Variants in OR2L13 observed in about 807,000 individuals in gnomAD.
The protein encoded by OR2L13 is olfactory receptor family 2 subfamily L member 13, also known as olfactory receptor 2L13.
A neutral mutation model predicts 15.3 loss-of-function variants in OR2L13; 14 were observed. The ratio of observed to expected loss-of-function variants is 0.91; its 90% CI spans 0.60 to 1.43. The LOEUF (loss-of-function observed/expected upper bound fraction) is 1.43, where lower values mean the gene tolerates loss of function less well. OR2L13 is among the 40% of genes most tolerant of loss of function. The pLI is 0.00. For synonymous variants in OR2L13, 152 were observed against 142.9 expected, an observed-to-expected ratio of 1.06 and a Z score of -0.45; for missense variants, 367 against 387.9, an observed-to-expected ratio of 0.95 and a Z score of 0.45.
chr1:248,022,330 C>T, the OR2L13 span: 9 of 1,614,154 alleles, frequency 5.6e-6, no homozygotes, highest in Non-Finnish European at 6.8e-6. Flanking sequence ...ATTTGCTTTC[C>T]TCTCCACTAT....
the OR2L13 span, among the ~76,000 whole-genome samples, chr1:248,082,083 A>C: frequency 1.3e-5 from 2 of 149,004 alleles, no homozygotes; most frequent in African/African-American, 5.1e-5. Context: ...CAAAGACTTG[A>C]AACCAACCCA....
the OR2L13 span, among the ~76,000 whole-genome samples, chr1:247,955,055 G>T: frequency 6.6e-6 from 1 of 151,690 alleles, no homozygotes; most frequent in Non-Finnish European, 1.5e-5. Context: ...CCATTAACTC[G>T]TCATTTAACA....
the OR2L13 span, among the ~76,000 whole-genome samples, chr1:247,956,955 GC>G: frequency 6.6e-6 from 1 of 152,142 alleles, no homozygotes; most frequent in South Asian, 2.1e-4. Context: ...CTGCCTGATT[GC>G]CCTGGCCAGA....
the OR2L13 span, among the ~76,000 whole-genome samples, chr1:248,009,718 G>T: frequency 6.6e-6 from 1 of 152,024 alleles, no homozygotes; most frequent in Non-Finnish European, 1.5e-5. Context: ...AACAGAAAAA[G>T]AAAATTTCAG....
chr1:247,961,758 C>T, the OR2L13 span, among the ~76,000 whole-genome samples: 1,694 of 152,116 alleles, frequency 0.011, 33 homozygotes, highest in African/African-American at 0.035. Context: ...TCTTTCCAGA[C>T]GGTGTTTAAA....
At chr1:248,090,479 T>C (rs112526160), upstream of OR2L13, among the ~76,000 whole-genome samples, 12,231 of 151,932 alleles carry the variant, frequency 0.081, 526 homozygotes, top group African/African-American at 0.14. Flanking sequence ...CTGTTGTTCC[T>C]GTCTGTGTGT....
the OR2L13 span, among the ~76,000 whole-genome samples, chr1:248,063,793 CGTGT>C: frequency 2.0e-3 from 286 of 145,046 alleles, no homozygotes; most frequent in Non-Finnish European, 2.4e-3. Flanking sequence ...AAGATGTGTG[CGTGT>C]GTGTGTGTGT....
chr1:248,100,401 A>G, exon 3 of OR2L13: 1 of 607,616 alleles, frequency 1.6e-6, no homozygotes, highest in Non-Finnish European at 2.7e-6. Context: ...GAAATACAAC[A>G]TAATTTAAAA....
chr1:248,076,431 T>C, the OR2L13 span, among the ~76,000 whole-genome samples: 1 of 152,206 alleles, frequency 6.6e-6, no homozygotes, highest in South Asian at 2.1e-4. Context: ...ATAAATTACA[T>C]TGGGCAGTAT....
the OR2L13 span, among the ~76,000 whole-genome samples, chr1:247,995,283 T>G: frequency 3.3e-5 from 5 of 152,218 alleles, no homozygotes; most frequent in African/African-American, 9.6e-5. Context: ...TCCCACTATT[T>G]CTAATAATAA....
At chr1:248,045,929 A>G in the OR2L13 span, 2 of 152,320 alleles carry the variant, frequency 1.3e-5, no homozygotes, top group East Asian at 1.9e-4. Flanking sequence ...GTCAAAATAT[A>G]TATCAATATA....
the OR2L13 span, among the ~76,000 whole-genome samples, chr1:247,978,229 C>T: frequency 1.3e-5 from 2 of 152,306 alleles, no homozygotes; most frequent in African/African-American, 2.4e-5. Context: ...CCGGAAGGAA[C>T]AAACTCCAGA....
the OR2L13 span, among the ~76,000 whole-genome samples, chr1:247,946,597 A>G: frequency 2.0e-5 from 3 of 152,218 alleles, no homozygotes; most frequent in Admixed American, 2.0e-4. Flanking sequence ...ACTTCAATTT[A>G]TCTTTCCAGT....
rs778835915 is a variant in OR2L13 at position 248,099,386 on chromosome 1, G to A, written c.11G>A (p.Trp4Ter). The change falls in exon 3 of 3, where the codon TGG becomes TAG. Residue 4 changes from tryptophan to a stop codon, truncating the protein, a stop_gained. Coordinates refer to ENST00000641714, the Ensembl canonical transcript of OR2L13. LOFTEE classifies it high-confidence loss of function. Reference sequence around the variant, plus strand: ...CAGCAGAAAGTTTTCATGGAGAAATGGAATCACACTTCAAATGATTTCATT... The same window carrying A: ...CAGCAGAAAGTTTTCATGGAGAAATAGAATCACACTTCAAATGATTTCATT... 1.0e-5 allele frequency: 16 copies of A among 1,604,108 alleles called. No individual in the cohort carries two copies. The highest frequency in any genetic ancestry group is 1.3e-5 in the Non-Finnish European group (15 of 1,172,014).
the OR2L13 span, chr1:248,084,634 A>C: frequency 6.4e-7 from 1 of 1,554,922 alleles, no homozygotes; most frequent in Non-Finnish European, 8.7e-7. Flanking sequence ...GGAAAAATAG[A>C]GAAGGAAGAG....
chr1:248,059,254 A>T, the OR2L13 span, among the ~76,000 whole-genome samples: 4 of 152,150 alleles, frequency 2.6e-5, no homozygotes, highest in Admixed American at 6.5e-5. Flanking sequence ...AAGCCTAAAA[A>T]ACTCCAGTTC....
At chr1:247,939,949 T>C in the OR2L13 span, among the ~76,000 whole-genome samples, 5 of 152,204 alleles carry the variant, frequency 3.3e-5, no homozygotes, top group Admixed American at 6.5e-5. Context: ...ATCAAACCAT[T>C]ATATTAAAAA....
the OR2L13 span, among the ~76,000 whole-genome samples, chr1:248,089,375 T>C: frequency 6.6e-6 from 1 of 152,014 alleles, no homozygotes. Context: ...CTTCATTATA[T>C]AGGCATTAAT....
At chr1:248,023,090 C>G in the OR2L13 span, 17 of 474,078 alleles carry the variant, frequency 3.6e-5, no homozygotes, top group Non-Finnish European at 6.3e-5. Flanking sequence ...TATCAAAAGA[C>G]AGATCATATA....
Sources: gnomAD v4.1 joint callset for allele counts (sites outside exome capture counted in the v4.1 genomes callset) on GRCh38, gnomAD v4.1.1 for gene constraint, MANE v1.5 for transcripts, NCBI Gene and HGNC (gene_info 2026-07-23, HGNC 2026-07-21) for gene names.